Variants in TNFSF4 observed in about 807,000 individuals in gnomAD.
TNFSF4 encodes the protein TNF superfamily member 4, also known as tumor necrosis factor ligand superfamily member 4.
A neutral mutation model predicts 7.3 loss-of-function variants in TNFSF4; 4 were observed. The observed-to-expected ratio is 0.55, with a 90% CI of 0.27 to 1.25. The LOEUF is 1.25. Ranked by LOEUF, TNFSF4 falls within the 50% of genes most tolerant of loss-of-function variation. TNFSF4 has a pLI of 0.12. For missense variants in TNFSF4, 181 were observed against 208.8 expected, an observed-to-expected ratio of 0.87 and a Z score of 0.82; for synonymous variants, 76 against 83.7, an observed-to-expected ratio of 0.91 and a Z score of 0.50.
chr1:173,305,693 T>C, the TNFSF4 span, among the ~76,000 whole-genome samples: 2 of 145,278 alleles, frequency 1.4e-5, no homozygotes, highest in Non-Finnish European at 3.0e-5. Context: ...GGTAATTTAT[T>C]AAAAAAAAAA....
chr1:173,393,399 C>T, the TNFSF4 span, among the ~76,000 whole-genome samples: 1 of 152,204 alleles, frequency 6.6e-6, no homozygotes, highest in Non-Finnish European at 1.5e-5. Flanking sequence ...ATCTGCCCTG[C>T]CTCACAACTG....
the TNFSF4 span, among the ~76,000 whole-genome samples, chr1:173,283,927 C>CAA: frequency 3.0e-4 from 19 of 62,334 alleles, no homozygotes; most frequent in East Asian, 1.2e-3. Flanking sequence ...CTTATGAATG[C>CAA]AAAAAAAAAA....
At chr1:173,316,921 C>T in the TNFSF4 span, among the ~76,000 whole-genome samples, 3 of 152,116 alleles carry the variant, frequency 2.0e-5, no homozygotes, top group African/African-American at 7.2e-5. Flanking sequence ...TATGATCCAT[C>T]TGGAATAATG....
chr1:173,209,624 C>A (rs1285571189), upstream of TNFSF4, among the ~76,000 whole-genome samples: 1 of 152,126 alleles, frequency 6.6e-6, no homozygotes, highest in African/African-American at 2.4e-5. Context: ...CCTGCCTCAG[C>A]CTCCCAAGTA....
the TNFSF4 span, among the ~76,000 whole-genome samples, chr1:173,359,998 A>G: frequency 6.6e-6 from 1 of 152,250 alleles, no homozygotes; most frequent in Non-Finnish European, 1.5e-5. Context: ...TGGTCAGATT[A>G]TATGACCATA....
At chr1:173,429,813 A>G in the TNFSF4 span, among the ~76,000 whole-genome samples, 1 of 152,220 alleles carries the variant, frequency 6.6e-6, no homozygotes, top group African/African-American at 2.4e-5. Context: ...GGAAAAGTTG[A>G]GTGAGAATGT....
At chr1:173,325,016 A>G in the TNFSF4 span, among the ~76,000 whole-genome samples, 1 of 152,226 alleles carries the variant, frequency 6.6e-6, no homozygotes, top group East Asian at 1.9e-4. Flanking sequence ...AAGCGGACCT[A>G]AGAGACATCT....
the TNFSF4 span, among the ~76,000 whole-genome samples, chr1:173,378,870 A>AC: frequency 0.63 from 92,138 of 146,800 alleles, 28,824 homozygotes; most frequent in Admixed American, 0.68. Context: ...GACCACAAGA[A>AC]CCCCCCTCCC....
At chr1:173,288,348 A>C in the TNFSF4 span, among the ~76,000 whole-genome samples, 1 of 152,116 alleles carries the variant, frequency 6.6e-6, no homozygotes, top group Non-Finnish European at 1.5e-5. Flanking sequence ...AAGCGGGAGG[A>C]CTGCTTGAGC....
chr1:173,373,213 T>C, the TNFSF4 span, among the ~76,000 whole-genome samples: 1 of 151,944 alleles, frequency 6.6e-6, no homozygotes, highest in African/African-American at 2.4e-5. Context: ...TTGCACAAAG[T>C]ACAAAAACCC....
At chr1:173,191,454 T>G (rs1403635882) in intron 1 of TNFSF4, among the ~76,000 whole-genome samples, 1 of 152,120 alleles carries the variant, frequency 6.6e-6, no homozygotes, top group Non-Finnish European at 1.5e-5. Context: ...CCAACCATCT[T>G]CCCCCTCATC....
At chr1:173,310,303 C>A in the TNFSF4 span, among the ~76,000 whole-genome samples, 1 of 151,916 alleles carries the variant, frequency 6.6e-6, no homozygotes, top group African/African-American at 2.4e-5. Context: ...GTCCTCCAAA[C>A]ACTGCTTTAG....
At position 173,184,341 on chromosome 1, in the gene TNFSF4, G is replaced by A. The variant is rs1649134104; in HGVS notation, c.*2175C>T. On this transcript the variant is annotated 3_prime_UTR_variant, in exon 3 of 3. Transcript: ENST00000281834. ...CTCCCTGTGAAGGACATGACTTACA[G>A]GGACTGAGACACACACACATATTTT... is the stretch of plus-strand genomic sequence containing the variant. The A allele has an allele frequency of 6.6e-6, 1 of 152,192 alleles. No homozygotes were observed. The highest frequency in any genetic ancestry group is 1.5e-5 in the Non-Finnish European group (1 of 68,040). The allele number at this position is 152,192 out of a possible 1,614,324, so 9.4% of individuals were successfully genotyped here. A position where few individuals can be genotyped will look rare whatever the true frequency, so the allele number is the denominator to read the frequency against.
the TNFSF4 span, among the ~76,000 whole-genome samples, chr1:173,277,081 C>T: frequency 6.6e-6 from 1 of 152,126 alleles, no homozygotes; most frequent in African/African-American, 2.4e-5. Flanking sequence ...TAGAGTGAAA[C>T]CTTCTCTTTG....
At chr1:173,314,720 T>C in the TNFSF4 span, among the ~76,000 whole-genome samples, 1 of 152,132 alleles carries the variant, frequency 6.6e-6, no homozygotes, top group South Asian at 2.1e-4. Flanking sequence ...GAATATTTGA[T>C]AATTGGGAAA....
chr1:173,323,152 A>C, the TNFSF4 span, among the ~76,000 whole-genome samples: 1 of 152,184 alleles, frequency 6.6e-6, no homozygotes, highest in Non-Finnish European at 1.5e-5. Flanking sequence ...GGGCAGACTG[A>C]CACCTCACAC....
the TNFSF4 span, among the ~76,000 whole-genome samples, chr1:173,241,278 C>T: frequency 6.6e-6 from 1 of 152,218 alleles, no homozygotes; most frequent in African/African-American, 2.4e-5. Flanking sequence ...AAACCAATTT[C>T]CTTATTCTCT....
the TNFSF4 span, among the ~76,000 whole-genome samples, chr1:173,290,577 C>T: frequency 1.3e-5 from 2 of 152,142 alleles, no homozygotes; most frequent in Non-Finnish European, 2.9e-5. Context: ...CATTCACACT[C>T]CCAGATTCAT....
In TNFSF4 at chr1:173,185,314, T is replaced by C. The variant is rs1477533738; in HGVS notation, c.*1202A>G. Reference sequence around the variant, plus strand: ...CCACAGCGCCATAAGCATAACACATTATATCAAGTTAAGGGGACATTTCAA... The same window carrying C: ...CCACAGCGCCATAAGCATAACACATCATATCAAGTTAAGGGGACATTTCAA... On this transcript the variant is annotated 3_prime_UTR_variant, in exon 3 of 3. Transcript: ENST00000281834. The C allele has an allele frequency of 6.6e-6, 1 of 152,176 alleles. No individual in the cohort carries two copies. The highest frequency in any genetic ancestry group is 1.5e-5 in the Non-Finnish European group (1 of 68,016). The allele number at this position is 152,176 out of a possible 1,614,324, so 9.4% of individuals were successfully genotyped here. A position where few individuals can be genotyped will look rare whatever the true frequency, so the allele number is the denominator to read the frequency against.
Sources: gnomAD v4.1 joint callset for allele counts (sites outside exome capture counted in the v4.1 genomes callset) on GRCh38, gnomAD v4.1.1 for gene constraint, MANE v1.5 for transcripts, NCBI Gene and HGNC (gene_info 2026-07-23, HGNC 2026-07-21) for gene names.